RGS6: variants seen among roughly 807,000 people sequenced by gnomAD.
RGS6 encodes the protein regulator of G-protein signaling 6.
In RGS6, 30 loss-of-function variants were observed where a neutral mutation model predicts 78.5. The observed-to-expected ratio is 0.38, with a 90% confidence interval of 0.29 to 0.52. RGS6 has a LOEUF of 0.52. RGS6 is among the 20% of genes least tolerant of loss of function. RGS6 has a pLI of 0.85. For missense variants in RGS6, 495 were observed against 609.7 expected, an observed-to-expected ratio of 0.81 and a Z score of 1.98; for synonymous variants, 206 against 206.0, an observed-to-expected ratio of 1.00 and a Z score of 0.00.
In RGS6 at chr14:72,096,238, C is replaced by T. The variant is rs574668792; in HGVS notation, c.84+131363C>T. 6.6e-5 allele frequency among the ~76,000 whole-genome samples: 10 copies of T among 151,528 alleles called. No individual in the cohort carries two copies. In the South Asian group the frequency reaches 1.9e-3, roughly 28 times the overall value. On this transcript the variant is annotated intron_variant, in intron 2 of 17. Transcript: ENST00000553525. ...GCAGTGAGCTGAGATTGCACCACTG[C>T]ACTCTGCACTCCAGCCTGGGTTACA...
intron 3 of RGS6, among the ~76,000 whole-genome samples, chr14:72,386,768 CAAAT>C (rs1005724874): frequency 1.2e-4 from 18 of 152,246 alleles, no homozygotes; most frequent in Non-Finnish European, 7.4e-5. Flanking sequence ...AAAGTGCAAT[CAAAT>C]AACTTGAAAT....
intron 3 of RGS6, among the ~76,000 whole-genome samples, chr14:72,388,201 G>T (rs1044815881): frequency 1.3e-4 from 19 of 151,996 alleles, no homozygotes; most frequent in African/African-American, 4.1e-4. Flanking sequence ...CCAGGAGCAG[G>T]TATTTTATAA....
chr14:72,550,731 C>A (rs1358671562), intron 17 of RGS6: 1 of 1,161,684 alleles, frequency 8.6e-7, no homozygotes, highest in Admixed American at 2.8e-5. Context: ...GGAGGTTTTA[C>A]ACCTGATGGA....
chr14:72,300,397 A>G (rs997409776), intron 2 of RGS6, among the ~76,000 whole-genome samples: 2 of 152,250 alleles, frequency 1.3e-5, no homozygotes, highest in African/African-American at 4.8e-5. Flanking sequence ...TTGGAAGAAT[A>G]TGCAGACAGG....
At chr14:72,552,197 C>T (rs2097517908) in intron 17 of RGS6, among the ~76,000 whole-genome samples, 1 of 152,182 alleles carries the variant, frequency 6.6e-6, no homozygotes, top group Non-Finnish European at 1.5e-5. Flanking sequence ...GGTAACTACT[C>T]AATAAATGGC....
the RGS6 span, among the ~76,000 whole-genome samples, chr14:71,892,024 A>G: frequency 6.6e-6 from 1 of 152,188 alleles, no homozygotes; most frequent in East Asian, 1.9e-4. Context: ...ATAATAGCTC[A>G]TTCTCTGAAA....
In RGS6 at chr14:72,433,589, G is replaced by C. The variant is rs567896147; in HGVS notation, c.185-20939G>C. The stretch of plus-strand genomic sequence containing the variant: ...TTAGGCAAGAGAGCATCGTAAGTAG[G>C]ATGTAGAGGAAGCTCCCCTGCTTAA... On this transcript the variant is annotated intron_variant, in intron 3 of 17. Coordinates refer to ENST00000553525, the MANE Select transcript of RGS6 (RefSeq NM_001204424.2). 3.9e-4 allele frequency among the ~76,000 whole-genome samples: 59 copies of C among 152,238 alleles called. 1 individual carries two copies. Among genetic ancestry groups the C allele is most frequent in the African/African-American group, 1.1e-3 (47 of 41,542 alleles).
the RGS6 span, among the ~76,000 whole-genome samples, chr14:71,904,118 A>G: frequency 3.1e-4 from 47 of 152,372 alleles, no homozygotes; most frequent in African/African-American, 1.1e-3. Context: ...GTAGTGGACA[A>G]TTGTGGCTTC....
intron 2 of RGS6, among the ~76,000 whole-genome samples, chr14:72,126,874 A>G (rs552783057): frequency 6.6e-5 from 10 of 152,204 alleles, no homozygotes; most frequent in African/African-American, 2.4e-4. Context: ...CACCACCACT[A>G]CTTCCTTTAA....
intron 2 of RGS6, among the ~76,000 whole-genome samples, chr14:72,057,746 C>T (rs755726534): frequency 6.6e-6 from 1 of 152,192 alleles, no homozygotes; most frequent in Non-Finnish European, 1.5e-5. Context: ...CTCCTACTTA[C>T]TGCTCAGAGG....
intron 2 of RGS6, among the ~76,000 whole-genome samples, chr14:72,235,096 G>T (rs2050673994): frequency 6.6e-6 from 1 of 152,124 alleles, no homozygotes; most frequent in South Asian, 2.1e-4. Flanking sequence ...TCTCCTGTTA[G>T]AATGTAAACT....
the RGS6 span, among the ~76,000 whole-genome samples, chr14:71,879,187 T>G: frequency 2.0e-5 from 3 of 152,190 alleles, no homozygotes; most frequent in East Asian, 5.8e-4. Context: ...ATAGAAAAAA[T>G]TATTTTCATT....
chr14:72,375,431 C>G (rs1345350840), intron 3 of RGS6, among the ~76,000 whole-genome samples: 1 of 152,200 alleles, frequency 6.6e-6, no homozygotes, highest in African/African-American at 2.4e-5. Context: ...GCCTGAGAAA[C>G]AGCACCATGG....
chr14:72,422,047 A>G (rs1296585396), intron 3 of RGS6, among the ~76,000 whole-genome samples: 1 of 152,214 alleles, frequency 6.6e-6, no homozygotes, highest in East Asian at 1.9e-4. Context: ...GTGATACAGA[A>G]CAAACCTCAT....
At chr14:72,217,190 G>A (rs1425205750) in intron 2 of RGS6, among the ~76,000 whole-genome samples, 3 of 152,168 alleles carry the variant, frequency 2.0e-5, no homozygotes, top group African/African-American at 7.2e-5. Flanking sequence ...TTAGCCGTCT[G>A]TGGTGGGAAA....
At chr14:72,190,495 A>G (rs1294202454) in intron 2 of RGS6, among the ~76,000 whole-genome samples, 1 of 152,174 alleles carries the variant, frequency 6.6e-6, no homozygotes, top group Non-Finnish European at 1.5e-5. Context: ...GAAGAGGCCC[A>G]TTGGTGGCTA....
chr14:72,284,970 A>G (rs7156910), intron 2 of RGS6, among the ~76,000 whole-genome samples: 103,041 of 152,054 alleles, frequency 0.68, 35,200 homozygotes, highest in East Asian at 0.86. Context: ...CTTGGATGGG[A>G]CCTTTAGCCC....
chr14:72,040,790 AT>A (rs2092329696), intron 2 of RGS6, among the ~76,000 whole-genome samples: 1 of 152,094 alleles, frequency 6.6e-6, no homozygotes, highest in African/African-American at 2.4e-5. Context: ...TGACTAGAAA[AT>A]TTCAAATGAC....
At chr14:72,393,415 C>T (rs1045648118) in intron 3 of RGS6, among the ~76,000 whole-genome samples, 3 of 152,172 alleles carry the variant, frequency 2.0e-5, no homozygotes, top group African/African-American at 7.2e-5. Context: ...AAGGCATCAC[C>T]AGTTAGTAAC....
Sources: allele counts gnomAD v4.1 joint callset (sites outside exome capture counted in the v4.1 genomes callset), GRCh38; gene constraint gnomAD v4.1.1; transcripts MANE v1.5; gene names NCBI Gene and HGNC (gene_info 2026-07-23, HGNC 2026-07-21).